Variants in EPS15 observed in about 807,000 individuals in gnomAD.
EPS15 encodes epidermal growth factor receptor substrate 15.
Under a neutral mutation model 113.8 loss-of-function variants are expected in EPS15, and 72 were observed. The ratio of observed to expected loss-of-function variants is 0.63; its 90% CI spans 0.52 to 0.77. The LOEUF (loss-of-function observed/expected upper bound fraction) is 0.77. EPS15 is among the 30% of genes least tolerant of loss of function. EPS15 has a pLI of 0.00. For missense variants in EPS15, 1,048 were observed against 1,045.8 expected (o/e 1.00, Z -0.03); for synonymous variants, 344 against 363.4 (o/e 0.95, Z 0.61).
intron 21 of EPS15, 42 bp from the exon 22 acceptor site, chr1:51,366,071 CA>C (rs1570091500): frequency 2.9e-6 from 4 of 1,397,208 alleles, no homozygotes; most frequent in Admixed American, 3.9e-5. Flanking sequence ...GACAGTAAGA[CA>C]TTTTTTTTTT....
intron 10 of EPS15, among the ~76,000 whole-genome samples, chr1:51,445,724 A>AT (rs1185552117): frequency 2.0e-4 from 31 of 152,116 alleles, no homozygotes; most frequent in Admixed American, 2.0e-3. Context: ...AAAAGACTAC[A>AT]TAAGTAAAAA....
intron 1 of EPS15, among the ~76,000 whole-genome samples, chr1:51,488,485 A>AAAAAAAAAAAAAAC (rs1557517774): frequency 6.6e-6 from 1 of 150,716 alleles, no homozygotes; most frequent in African/African-American, 2.4e-5. Context: ...AAAAAAAAAA[A>AAAAAAAAAAAAAAC]AAAAAAAAAA....
intron 24 of EPS15, among the ~76,000 whole-genome samples, chr1:51,359,539 C>T (rs1009568558): frequency 1.3e-5 from 2 of 150,776 alleles, no homozygotes; most frequent in African/African-American, 2.4e-5. Context: ...GCCGGTGGAT[C>T]GCCTGAGATC....
intron 24 of EPS15, among the ~76,000 whole-genome samples, chr1:51,357,420 ATATATATTTTTT>A (rs1646258194): frequency 5.8e-5 from 4 of 68,782 alleles, no homozygotes; most frequent in South Asian, 4.4e-4. Flanking sequence ...ATATATATAT[ATATATATTTTTT>A]TTTTTTAAAT....
intron 21 of EPS15, among the ~76,000 whole-genome samples, chr1:51,392,531 G>A (rs1292214076): frequency 2.0e-5 from 3 of 152,128 alleles, no homozygotes; most frequent in African/African-American, 7.2e-5. Context: ...ATGTAACACT[G>A]TAACCTACCA....
intron 20 of EPS15, among the ~76,000 whole-genome samples, chr1:51,395,449 T>C (rs1338433665): frequency 6.6e-6 from 1 of 152,164 alleles, no homozygotes; most frequent in Non-Finnish European, 1.5e-5. Context: ...ACATTTCTAT[T>C]TTCTAATTGT....
intron 8 of EPS15, among the ~76,000 whole-genome samples, chr1:51,460,458 G>A (rs944215497): frequency 6.6e-5 from 10 of 152,154 alleles, no homozygotes; most frequent in African/African-American, 2.4e-4. Context: ...AAATTTGGGA[G>A]ATACATTTGA....
At chr1:51,363,295 C>T (rs1031016868) in intron 23 of EPS15, among the ~76,000 whole-genome samples, 4 of 113,524 alleles carry the variant, frequency 3.5e-5, no homozygotes, top group African/African-American at 1.4e-4. Flanking sequence ...GAGATTCCAT[C>T]TCAAAAAAAA....
At position 51,463,723 on chromosome 1, in the gene EPS15, C is replaced by CT; in HGVS notation, c.450dup (p.Val151SerfsTer9). The CT allele has an allele frequency of 6.2e-7, 1 of 1,602,228 alleles. No homozygotes were observed. The highest frequency in any genetic ancestry group is 8.5e-7 in the Non-Finnish European group (1 of 1,169,784). On this transcript the variant is annotated frameshift_variant, in exon 7 of 25. Coordinates refer to ENST00000371733, the MANE Select transcript of EPS15 (RefSeq NM_001981.3). LOFTEE classifies it high-confidence loss of function. ...TTAGAGTTGAGCAACACTGGTTTCACTTTATCACCAGACAGAAATCCATTC... is the reference window on the plus strand; with the variant it reads ...TTAGAGTTGAGCAACACTGGTTTCACTTTTATCACCAGACAGAAATCCATTC...
In EPS15 at chr1:51,409,694, A is replaced by T; in HGVS notation, c.1116T>A (p.Asp372Glu). 6.3e-7 allele frequency: 1 copy of T among 1,595,934 alleles called. No homozygotes were observed. The highest frequency in any genetic ancestry group is 2.2e-5 in the East Asian group (1 of 44,818). ...TIKQRTSEVQDLQDEVQRENT... is the reference protein window; with the variant it reads ...TIKQRTSEVQELQDEVQRENT... ...TCTCCCTTTGAACTTCATCTTGAAG[A>T]TCCTAAAATCCAAGAAAATTAATAT... is the stretch of plus-strand genomic sequence containing the variant. The change falls in exon 14 of 25, where the codon GAT (aspartate) becomes GAA (glutamate). Residue 372 changes from aspartate (D) to glutamate (E), a missense_variant and splice_region_variant. By Grantham distance (45) the Asp-to-Glu change is conservative. Transcript: ENST00000371733.
At chr1:51,433,093 T>C (rs908059504) in intron 12 of EPS15, among the ~76,000 whole-genome samples, 2 of 152,242 alleles carry the variant, frequency 1.3e-5, no homozygotes, top group Non-Finnish European at 2.9e-5. Context: ...TGCTAGGATT[T>C]AGAAATTTTA....
Position 51,361,277 on chromosome 1 carries a change from T to C in EPS15, c.2438A>G (p.Asp813Gly). The C allele has an allele frequency of 6.2e-7, 1 of 1,613,900 alleles. No individual in the cohort carries two copies. Among genetic ancestry groups the C allele is most frequent in the Non-Finnish European group, 8.5e-7 (1 of 1,179,804 alleles). Residue 813 changes from aspartate (D) to glycine (G), a missense_variant, in exon 24 of 25, where the codon GAT becomes GGT. Physicochemically the swap from Asp to Gly is moderately conservative, Grantham distance 94. Transcript: ENST00000371733. ...TTCAGGATCTTTTTCTTTGGGGCTATCGTTGCCTGGGAAAGGCTGAAATGG... is the reference window on the plus strand; with the variant it reads ...TTCAGGATCTTTTTCTTTGGGGCTACCGTTGCCTGGGAAAGGCTGAAATGG... Reference protein sequence around the residue: ...NDPFQPFPGNDSPKEKDPEIF... With the variant: ...NDPFQPFPGNGSPKEKDPEIF...
At position 51,368,736 on chromosome 1, in the gene EPS15, T is replaced by C. The variant is rs532226565; in HGVS notation, c.2120-2707A>G. Among the ~76,000 whole-genome samples, 21 of 152,186 alleles carry C rather than the reference T, an allele frequency of 1.4e-4. No homozygotes were observed. The South Asian group carries it at 4.4e-3, about 32-fold the overall frequency. On this transcript the variant is annotated intron_variant, in intron 21 of 24. Coordinates refer to ENST00000371733, the MANE Select transcript of EPS15 (RefSeq NM_001981.3). The stretch of plus-strand genomic sequence containing the variant: ...CCTCAGCCTCCCACGTAGCTGGGAA[T>C]ACAGGTGTGTGCCACCACACCTGGC...
At chr1:51,380,479 TATC>T (rs1646916564) in intron 21 of EPS15, among the ~76,000 whole-genome samples, 1 of 152,190 alleles carries the variant, frequency 6.6e-6, no homozygotes, top group African/African-American at 2.4e-5. Flanking sequence ...AATTAAATCT[TATC>T]AGTTTAAAAT....
At chr1:51,400,821 C>G in intron 19 of EPS15, 97 bp downstream of exon 19, 1 of 620,166 alleles carries the variant, frequency 1.6e-6, no homozygotes, top group Middle Eastern at 2.7e-4. Flanking sequence ...GCACATAGAG[C>G]ATCTTACTGG....
rs1647166378 is a variant in EPS15 at position 51,388,724 on chromosome 1, T to C, written c.2119+5657A>G. On this transcript the variant is annotated intron_variant, in intron 21 of 24. Transcript: ENST00000371733. ...AATAAACTAGAAAATCTAGAAGAAATGGATAAATTCCTCGACACATACACC... is the reference window on the plus strand; with the variant it reads ...AATAAACTAGAAAATCTAGAAGAAACGGATAAATTCCTCGACACATACACC... Among the ~76,000 whole-genome samples the C allele has an allele frequency of 2.6e-5, 4 of 152,046 alleles. 1 individual carries two copies. The South Asian group carries it at 6.2e-4, about 24-fold the overall frequency.
chr1:51,504,613 T>C (rs1644466612), intron 1 of EPS15, among the ~76,000 whole-genome samples: 1 of 151,978 alleles, frequency 6.6e-6, no homozygotes, highest in Non-Finnish European at 1.5e-5. Flanking sequence ...TAAATAGACA[T>C]TTCTCTAAAG....
In EPS15 at chr1:51,357,416, ATATATATATATTTT is replaced by A. The variant is rs1473971146; in HGVS notation, c.2545-584_2545-571del. ...AATATATATATATATATATATATAT[ATATATATATATTTT>A]TTTTTTTTAAATGTGATATATATAT... On this transcript the variant is annotated intron_variant, in intron 24 of 24. Transcript: ENST00000371733. 1.7e-3 allele frequency among the ~76,000 whole-genome samples: 111 copies of A among 64,496 alleles called. 2 individuals are homozygous for A. Among genetic ancestry groups the A allele is most frequent in the Middle Eastern group, 6.5e-3 (1 of 154 alleles). The allele number at this position is 64,496 out of a possible 152,430, so 42.3% of individuals were successfully genotyped here.
chr1:51,405,938 G>C lies in EPS15; in HGVS notation c.1644C>G (p.Asn548Lys). ...CCTGGTGTATGGGCTCAGACTCTAG[G>C]TTGCTCTGGCCTTCAACATGTTCAT... ...NLNEHVEGQS[N>K]LESEPIHQES... Residue 548 changes from asparagine to lysine, a missense_variant, in exon 16 of 25, where the codon AAC (asparagine) becomes AAG (lysine). Coordinates refer to ENST00000371733, the MANE Select transcript of EPS15 (RefSeq NM_001981.3). The C allele has an allele frequency of 6.2e-7, 1 of 1,614,104 alleles. No individual in the cohort carries two copies. Among genetic ancestry groups the C allele is most frequent in the African/African-American group, 1.3e-5 (1 of 75,014 alleles).
Sources: gnomAD v4.1 joint callset for allele counts (sites outside exome capture counted in the v4.1 genomes callset) on GRCh38, gnomAD v4.1.1 for gene constraint, MANE v1.5 for transcripts, NCBI Gene and HGNC (gene_info 2026-07-23, HGNC 2026-07-21) for gene names.